ABCD2: variants seen among roughly 807,000 people sequenced by gnomAD.
The protein encoded by ABCD2 is ATP-binding cassette sub-family D member 2.
Under a neutral mutation model 70.9 loss-of-function variants are expected in ABCD2, and 36 were observed. The ratio of observed to expected loss-of-function variants is 0.51; its 90% CI spans 0.39 to 0.67. The LOEUF is 0.67. Among genes scored for constraint, ABCD2 ranks in the 30% least tolerant of loss-of-function variants. ABCD2 has a pLI of 0.00. For synonymous variants in ABCD2, 304 were observed against 306.9 expected, an observed-to-expected ratio of 0.99 and a Z score of 0.10; for missense variants, 729 against 890.2, an observed-to-expected ratio of 0.82 and a Z score of 2.30.
intron 7 of ABCD2, among the ~76,000 whole-genome samples, chr12:39,584,848 G>A (rs905313160): frequency 6.6e-6 from 1 of 152,186 alleles, no homozygotes; most frequent in Middle Eastern, 3.4e-3. Flanking sequence ...CCTTATTTCT[G>A]TGCTCTCCAT....
At chr12:39,580,102 G>T (rs544069499) in intron 7 of ABCD2, among the ~76,000 whole-genome samples, 1 of 152,218 alleles carries the variant, frequency 6.6e-6, no homozygotes, top group Admixed American at 6.5e-5. Context: ...CATTTTATAA[G>T]TGAGCAACTG....
intron 6 of ABCD2, among the ~76,000 whole-genome samples, chr12:39,589,384 G>T (rs1489380725): frequency 4.8e-5 from 6 of 125,122 alleles, no homozygotes; most frequent in African/African-American, 9.3e-5. Context: ...TTTGGTCTGG[G>T]TTTTTTTTTT....
the ABCD2 span, among the ~76,000 whole-genome samples, chr12:39,533,446 T>G: frequency 6.6e-6 from 1 of 152,170 alleles, no homozygotes. Context: ...GCAGAACAAT[T>G]GATGAGCCCT....
At chr12:39,576,592 A>C (rs1555217828) in intron 8 of ABCD2, among the ~76,000 whole-genome samples, 1 of 152,232 alleles carries the variant, frequency 6.6e-6, no homozygotes, top group African/African-American at 2.4e-5. Context: ...TTAAATGTAC[A>C]TTATTATAAA....
At chr12:39,568,152 C>T (rs529773492) in intron 9 of ABCD2, among the ~76,000 whole-genome samples, 36 of 152,216 alleles carry the variant, frequency 2.4e-4, no homozygotes, top group East Asian at 7.7e-4. Context: ...CTCTGTATTT[C>T]GTGAATTTGA....
intron 6 of ABCD2, among the ~76,000 whole-genome samples, chr12:39,595,945 A>T (rs1048136146): frequency 6.6e-6 from 1 of 152,208 alleles, no homozygotes; most frequent in Non-Finnish European, 1.5e-5. Context: ...TAAATCAAAG[A>T]ACTTCAGCTA....
the ABCD2 span, among the ~76,000 whole-genome samples, chr12:39,542,018 A>G: frequency 6.6e-6 from 1 of 152,344 alleles, no homozygotes; most frequent in African/African-American, 2.4e-5. Flanking sequence ...AAAGCAGCAT[A>G]GGGTGGGCCT....
chr12:39,591,717 GTAAA>G (rs1262794907), intron 6 of ABCD2, among the ~76,000 whole-genome samples: 11 of 152,018 alleles, frequency 7.2e-5, no homozygotes, highest in Admixed American at 7.2e-4. Context: ...GTCTCAATAA[GTAAA>G]TAAATAAATA....
chr12:39,615,367 T>C (rs1040510610), intron 2 of ABCD2, among the ~76,000 whole-genome samples: 2 of 152,042 alleles, frequency 1.3e-5, no homozygotes, highest in Non-Finnish European at 2.9e-5. Flanking sequence ...TTTGACTTTT[T>C]TTGGTAAAAC....
At chr12:39,586,000 A>G in intron 7 of ABCD2, 152 bp downstream of exon 7, 1 of 656,862 alleles carries the variant, frequency 1.5e-6, no homozygotes, top group Non-Finnish European at 2.4e-6. Context: ...AGAAATGTAA[A>G]TAATGGAACA....
the ABCD2 span, among the ~76,000 whole-genome samples, chr12:39,532,939 C>T: frequency 1.3e-5 from 2 of 151,862 alleles, no homozygotes; most frequent in South Asian, 4.2e-4. Flanking sequence ...GTGGGTGGAT[C>T]ATGAGGTCAG....
chr12:39,598,408 T>C (rs912483416), intron 6 of ABCD2, among the ~76,000 whole-genome samples: 1 of 152,198 alleles, frequency 6.6e-6, no homozygotes, highest in Non-Finnish European at 1.5e-5. Context: ...AGATTATATA[T>C]ACATTTTTTG....
At chr12:39,566,276 G>C (rs988682336) in intron 9 of ABCD2, among the ~76,000 whole-genome samples, 60 of 152,066 alleles carry the variant, frequency 3.9e-4, no homozygotes, top group African/African-American at 1.3e-3. Flanking sequence ...TTTTTGGTTG[G>C]TAAGCTATTA....
At chr12:39,565,694 C>A (rs1346216501) in intron 9 of ABCD2, among the ~76,000 whole-genome samples, 1 of 152,114 alleles carries the variant, frequency 6.6e-6, no homozygotes, top group Non-Finnish European at 1.5e-5. Context: ...AGAGGGCATC[C>A]CTGTCTTGTG....
the ABCD2 span, among the ~76,000 whole-genome samples, chr12:39,534,701 C>CGGAAGGAAGGAAGGACGGAA: frequency 9.0e-6 from 1 of 111,210 alleles, no homozygotes; most frequent in Admixed American, 1.1e-4. Flanking sequence ...GAAGGAAGGA[C>CGGAAGGAAGGAAGGACGGAA]GGAAGGAAGG....
intron 7 of ABCD2, among the ~76,000 whole-genome samples, chr12:39,585,577 A>T (rs1424245695): frequency 6.6e-6 from 1 of 152,146 alleles, no homozygotes; most frequent in African/African-American, 2.4e-5. Context: ...GTATCACTAA[A>T]CACAGAAAGA....
intron 8 of ABCD2, among the ~76,000 whole-genome samples, chr12:39,575,760 A>C (rs1253483832): frequency 3.3e-5 from 5 of 152,152 alleles, no homozygotes. Context: ...ATCTTTTGTC[A>C]AAAGATTGTG....
intron 7 of ABCD2, among the ~76,000 whole-genome samples, chr12:39,581,503 T>G (rs983340601): frequency 2.0e-5 from 3 of 152,162 alleles, no homozygotes; most frequent in African/African-American, 7.2e-5. Context: ...AAAATAATCT[T>G]AAAATACCAT....
At chr12:39,554,692 C>A (rs1490469769) in intron 9 of ABCD2, among the ~76,000 whole-genome samples, 2 of 152,102 alleles carry the variant, frequency 1.3e-5, no homozygotes, top group Admixed American at 6.6e-5. Flanking sequence ...GATTTAATCT[C>A]TTTCTTATGG....
Sources: allele counts gnomAD v4.1 joint callset (sites outside exome capture counted in the v4.1 genomes callset), GRCh38; gene constraint gnomAD v4.1.1; transcripts MANE v1.5; gene names NCBI Gene and HGNC (gene_info 2026-07-23, HGNC 2026-07-21).